The following CLEC2L variants were observed in gnomAD, a reference collection of about 807,000 sequenced individuals.
CLEC2L encodes C-type lectin domain family 2, member L.
In CLEC2L, 14 loss-of-function variants were observed where a neutral mutation model predicts 23.6. That is an observed-to-expected ratio of 0.59 (90% CI 0.39 to 0.93). The LOEUF (loss-of-function observed/expected upper bound fraction) is 0.93. Among genes scored for constraint, CLEC2L ranks in the 40% least tolerant of loss-of-function variants. CLEC2L has a pLI of 0.00. For missense variants in CLEC2L, 264 were observed against 282.4 expected, an observed-to-expected ratio of 0.93 and a Z score of 0.47; for synonymous variants, 114 against 121.3, an observed-to-expected ratio of 0.94 and a Z score of 0.40.
chr7:139,538,493 A>G (rs1797690915), intron 2 of CLEC2L, among the ~76,000 whole-genome samples: 1 of 150,352 alleles, frequency 6.7e-6, no homozygotes, highest in African/African-American at 2.5e-5. Context: ...TCACGCCTGT[A>G]ATCCCAGCAC....
chr7:139,539,590 C>G lies in CLEC2L; in HGVS notation c.266-731C>G, dbSNP rs1242376385. On this transcript the variant is annotated intron_variant, in intron 2 of 4. Coordinates refer to ENST00000422142, the MANE Select transcript of CLEC2L (RefSeq NM_001080511.4). The surrounding 1 kb of genome is among the most constrained non-coding windows in gnomAD (Gnocchi z 4.1). ...TGGTAGAGCCACATCTGATGTGTCC[C>G]GGTCTGTCCTGGTGGCAGCGATTCA... The G allele has an allele frequency of 6.6e-6, 1 of 152,268 alleles. No homozygotes were observed. Among genetic ancestry groups the G allele is most frequent in the East Asian group, 1.9e-4 (1 of 5,190 alleles). The allele number at this position is 152,268 out of a possible 1,614,324, so 9.4% of individuals were successfully genotyped here.
At chr7:139,542,221 G>A in intron 4 of CLEC2L, 100 bp downstream of exon 4, 1 of 763,042 alleles carries the variant, frequency 1.3e-6, no homozygotes. Flanking sequence ...CTTGTTTTGT[G>A]CTAGCTAGAG....
chr7:139,542,709 G>A (rs1569428580), intron 4 of CLEC2L, among the ~76,000 whole-genome samples: 1 of 152,222 alleles, frequency 6.6e-6, no homozygotes, highest in Admixed American at 6.5e-5. Context: ...AGGTGGTGGC[G>A]TGTGCCGTGG....
intron 1 of CLEC2L, among the ~76,000 whole-genome samples, chr7:139,535,409 G>C (rs1569427115): frequency 6.6e-6 from 1 of 152,162 alleles, no homozygotes; most frequent in Admixed American, 6.6e-5. Flanking sequence ...CAGAACTTCT[G>C]TCTGGGATGA....
At position 139,544,683 on chromosome 7, in the gene CLEC2L, T is replaced by G; in HGVS notation, c.*341T>G. The stretch of plus-strand genomic sequence containing the variant: ...CATCCTGAGCCACCCCACAGATCTC[T>G]CTCCGGCCCCCTAGAAGCCCTCTCC... On this transcript the variant is annotated 3_prime_UTR_variant, in exon 5 of 5. Coordinates refer to ENST00000422142, the MANE Select transcript of CLEC2L (RefSeq NM_001080511.4). 1 of 212,386 alleles carries G rather than the reference T, an allele frequency of 4.7e-6. No homozygotes were observed. 13.2% of individuals were successfully genotyped at this position (212,386 alleles called of 1,614,324 possible). A position where few individuals can be genotyped will look rare whatever the true frequency, so the allele number is the denominator to read the frequency against.
At chr7:139,532,265 G>A (rs1180268099) in intron 1 of CLEC2L, among the ~76,000 whole-genome samples, 6 of 152,190 alleles carry the variant, frequency 3.9e-5, no homozygotes, top group Admixed American at 6.5e-5. Flanking sequence ...GTTCACCATG[G>A]AACACAATGA....
At chr7:139,530,211 A>G (rs905589106) in intron 1 of CLEC2L, among the ~76,000 whole-genome samples, 9 of 151,986 alleles carry the variant, frequency 5.9e-5, no homozygotes, top group Non-Finnish European at 1.2e-4. Flanking sequence ...AAACCAAACC[A>G]AACAGCAAGG....
intron 3 of CLEC2L, 112 bp from the exon 4 acceptor site, chr7:139,541,909 G>A: frequency 2.8e-6 from 2 of 720,114 alleles, no homozygotes; most frequent in Non-Finnish European, 2.4e-6. Flanking sequence ...CACTCTCCTG[G>A]CGTCTGTACA....
intron 2 of CLEC2L, among the ~76,000 whole-genome samples, chr7:139,538,450 AC>A (rs201867443): frequency 0.018 from 2,670 of 147,972 alleles, 83 homozygotes; most frequent in African/African-American, 0.064. Context: ...AAAACAAAAA[AC>A]AAAAAACAAA....
chr7:139,540,469 T>C lies in CLEC2L; in HGVS notation c.414T>C (p.Ile138=), dbSNP rs112553913. The C allele has an allele frequency of 5.3e-3, 8,495 of 1,595,810 alleles. 331 individuals are homozygous for C. The African/African-American group carries it at 0.091, about 17-fold the overall frequency. Residue 138 remains isoleucine, a synonymous_variant, in exon 3 of 5, where the codon ATT becomes ATC. Transcript: ENST00000422142. This position sits in a 1 kb window ranked among gnomAD's most constrained non-coding sequence, Gnocchi z 5.8. ...CHTHEAVLAV[I]QSQKELEFMF... is the part of the protein sequence containing the mutation. Reference sequence around the variant, plus strand: ...CCCACGAGGCGGTGCTGGCTGTGATTCAGAGCCAGAAGGAGCTGGTGAGTG... The same window carrying C: ...CCCACGAGGCGGTGCTGGCTGTGATCCAGAGCCAGAAGGAGCTGGTGAGTG...
chr7:139,544,514 T>C lies in CLEC2L; in HGVS notation c.*172T>C. The stretch of plus-strand genomic sequence containing the variant: ...CCTGGCGCTCTGAGTCCCTGGTTCC[T>C]GGCCTCCTTTGTCTGCAGGCAGGTC... On this transcript the variant is annotated 3_prime_UTR_variant, in exon 5 of 5. Transcript: ENST00000422142. 1 of 598,640 alleles carries C rather than the reference T, an allele frequency of 1.7e-6. No homozygotes were observed. The highest frequency in any genetic ancestry group is 3.0e-6 in the Non-Finnish European group (1 of 336,268). The allele number at this position is 598,640 out of a possible 1,614,324, so 37.1% of individuals were successfully genotyped here. A position where few individuals can be genotyped will look rare whatever the true frequency, so the allele number is the denominator to read the frequency against.
Position 139,544,356 on chromosome 7 carries a change from AGAGG to A in CLEC2L, c.*15_*18del. On this transcript the variant is annotated 3_prime_UTR_variant, in exon 5 of 5. Transcript: ENST00000422142. ...GCCTATACTTGAGGTGGGTGGGGCC[AGAGG>A]TGGCCCCGCCCCTAGGCCTGTGGGA... 5 of 1,576,664 alleles carry A rather than the reference AGAGG, an allele frequency of 3.2e-6. No individual in the cohort carries two copies. Among genetic ancestry groups the A allele is most frequent in the Non-Finnish European group, 4.3e-6 (5 of 1,151,032 alleles).
chr7:139,535,686 T>C (rs1416594552), intron 1 of CLEC2L, among the ~76,000 whole-genome samples: 2 of 151,976 alleles, frequency 1.3e-5, no homozygotes, highest in African/African-American at 4.8e-5. Flanking sequence ...AGGAAGAGGA[T>C]GGATGGTGTA....
At chr7:139,534,129 G>T (rs1410712058) in intron 1 of CLEC2L, 10 of 635,868 alleles carry the variant, frequency 1.6e-5, no homozygotes, top group Non-Finnish European at 2.3e-5. Context: ...CTTGTCTGTT[G>T]CTGGTGAGAA....
rs955597447 is a variant in CLEC2L, at chr7:139,540,631, G to A, written c.432+144G>A. 1 of 915,160 alleles carries A rather than the reference G, an allele frequency of 1.1e-6. No individual in the cohort carries two copies. The highest frequency in any genetic ancestry group is 1.7e-6 in the Non-Finnish European group (1 of 591,604). 56.7% of individuals were successfully genotyped at this position (915,160 alleles called of 1,614,324 possible). Reference sequence around the variant, plus strand: ...CGCCCACCTGCTGCATAACCACTTGGGGTGCAGGCAGACCTCACAGTCTGA... The same window carrying A: ...CGCCCACCTGCTGCATAACCACTTGAGGTGCAGGCAGACCTCACAGTCTGA... On this transcript the variant is annotated intron_variant, in intron 3 of 4. Coordinates refer to ENST00000422142, the MANE Select transcript of CLEC2L (RefSeq NM_001080511.4). The surrounding 1 kb of genome is among the most constrained non-coding windows in gnomAD (Gnocchi z 5.8).
chr7:139,536,952 G>A (rs960551235), intron 2 of CLEC2L, among the ~76,000 whole-genome samples: 2 of 146,112 alleles, frequency 1.4e-5, no homozygotes, highest in African/African-American at 5.2e-5. Flanking sequence ...ACTCCACCCT[G>A]GGCGACAGAG....
In CLEC2L at chr7:139,539,871, A is replaced by C. The variant is rs191159165; in HGVS notation, c.266-450A>C. 491 of 178,798 alleles carry C rather than the reference A, an allele frequency of 2.7e-3. 3 individuals are homozygous for C. Among genetic ancestry groups the C allele is most frequent in the African/African-American group, 0.011 (456 of 42,012 alleles). The allele number at this position is 178,798 out of a possible 1,614,324, so 11.1% of individuals were successfully genotyped here. Reference sequence around the variant, plus strand: ...CACACTGACAGCAAGGGGGTTAAAAAAATAAAAATGAAAAGAACTTCCCAG... The same window carrying C: ...CACACTGACAGCAAGGGGGTTAAAACAATAAAAATGAAAAGAACTTCCCAG... On this transcript the variant is annotated intron_variant, in intron 2 of 4. Transcript: ENST00000422142. This position sits in a 1 kb window ranked among gnomAD's most constrained non-coding sequence, Gnocchi z 4.1.
chr7:139,543,938 G>C (rs1486612378), intron 4 of CLEC2L, among the ~76,000 whole-genome samples: 2 of 152,202 alleles, frequency 1.3e-5, no homozygotes, highest in Non-Finnish European at 2.9e-5. Context: ...TGGGTGCCAT[G>C]GAGCCTGGGA....
rs976843673 is a variant in CLEC2L at position 139,539,344 on chromosome 7, G to A, written c.266-977G>A. 2 of 152,218 alleles carry A rather than the reference G, an allele frequency of 1.3e-5. No homozygotes were observed. The highest frequency in any genetic ancestry group is 4.8e-5 in the African/African-American group (2 of 41,452). The allele number at this position is 152,218 out of a possible 1,614,324, so 9.4% of individuals were successfully genotyped here. A position where few individuals can be genotyped will look rare whatever the true frequency, so the allele number is the denominator to read the frequency against. On this transcript the variant is annotated intron_variant, in intron 2 of 4. Transcript: ENST00000422142. This position sits in a 1 kb window ranked among gnomAD's most constrained non-coding sequence, Gnocchi z 4.1. ...TGGATTTAAGAAGTTATTTTCACAT[G>A]TTCTGACACTGGGGGAGACCTGGCT...
Sources: allele counts gnomAD v4.1 joint callset (sites outside exome capture counted in the v4.1 genomes callset), GRCh38; gene constraint gnomAD v4.1.1; non-coding constraint Gnocchi (gnomAD v3.1); transcripts MANE v1.5; gene names NCBI Gene and HGNC (gene_info 2026-07-23, HGNC 2026-07-21).